Variants in ANKRD36B observed in about 807,000 individuals in gnomAD.
The protein encoded by ANKRD36B is ankyrin repeat domain-containing protein 36B.
In ANKRD36B, 37 loss-of-function variants were observed where a neutral mutation model predicts 135.7. The observed-to-expected ratio is 0.27, with a 90% confidence interval of 0.21 to 0.36. The LOEUF is 0.36. Ranked by LOEUF, ANKRD36B falls within the 10% of genes least tolerant of loss-of-function variation. ANKRD36B has a pLI of 1.00. For missense variants in ANKRD36B, 549 were observed against 1,037.1 expected (o/e 0.53, Z 6.46); for synonymous variants, 179 against 348.1 (o/e 0.51, Z 5.41).
At chr2:97,577,038 G>T (rs4069533) in intron 5 of ANKRD36B, among the ~76,000 whole-genome samples, 2 of 151,906 alleles carry the variant, frequency 1.3e-5, no homozygotes, top group Non-Finnish European at 2.9e-5. Context: ...ATAATTCAGT[G>T]TATCTCAACT....
rs369793361 is a variant in ANKRD36B, at chr2:97,533,572, T to G, written c.2192-1188A>C. ...CACTTCCAATAAATATACAATTTAT[T>G]TCTCATCAGAGAAACTGTTTAAAAT... is the stretch of plus-strand genomic sequence containing the variant. On this transcript the variant is annotated intron_variant, in intron 34 of 43. Coordinates refer to ENST00000359901, the MANE Select transcript of ANKRD36B (RefSeq NM_001393939.1). Among the ~76,000 whole-genome samples, 311 of 96,888 alleles carry G rather than the reference T, an allele frequency of 3.2e-3. 79 individuals carry two copies. The highest frequency in any genetic ancestry group is 0.013 in the East Asian group (58 of 4,356). 63.6% of individuals were successfully genotyped at this position (96,888 alleles called of 152,430 possible).
chr2:97,581,358 T>A (rs2082621182), intron 3 of ANKRD36B, among the ~76,000 whole-genome samples: 2 of 151,894 alleles, frequency 1.3e-5, no homozygotes, highest in South Asian at 4.2e-4. Flanking sequence ...GCACCTGACA[T>A]TGTCATCTGA....
At chr2:97,587,322 C>T (rs906269823) in intron 1 of ANKRD36B, among the ~76,000 whole-genome samples, 1 of 152,072 alleles carries the variant, frequency 6.6e-6, no homozygotes, top group African/African-American at 2.4e-5. Context: ...ATCATTTATA[C>T]ATCACAGATA....
intron 12 of ANKRD36B, among the ~76,000 whole-genome samples, chr2:97,555,813 T>C (rs2080471874): frequency 6.6e-6 from 1 of 151,928 alleles, no homozygotes; most frequent in African/African-American, 2.4e-5. Flanking sequence ...GTAGATAGTA[T>C]TCATTATTTA....
At chr2:97,494,423 G>A (rs1273977864) in intron 43 of ANKRD36B, among the ~76,000 whole-genome samples, 1 of 106,706 alleles carries the variant, frequency 9.4e-6, no homozygotes, top group African/African-American at 2.6e-5. Flanking sequence ...GGCTAGAGAG[G>A]TAGGAAGAGA....
At chr2:97,546,499 A>T (rs563363778) in intron 22 of ANKRD36B, among the ~76,000 whole-genome samples, 10 of 151,806 alleles carry the variant, frequency 6.6e-5, no homozygotes, top group African/African-American at 2.2e-4. Context: ...AGACTTCTGA[A>T]AATTTCTTCA....
chr2:97,565,402 G>C (rs1449957450), intron 6 of ANKRD36B, among the ~76,000 whole-genome samples: 3 of 152,004 alleles, frequency 2.0e-5, no homozygotes, highest in Non-Finnish European at 4.4e-5. Flanking sequence ...ACTATGATCA[G>C]AGTGAACAGG....
In ANKRD36B at chr2:97,537,717, A is replaced by G. The variant is rs2078960910; in HGVS notation, c.2089+451T>C. 2.1e-5 allele frequency among the ~76,000 whole-genome samples: 2 copies of G among 96,226 alleles called. 1 individual carries two copies. The highest frequency in any genetic ancestry group is 6.2e-5 in the African/African-American group (2 of 32,194). The allele number at this position is 96,226 out of a possible 152,430, so 63.1% of individuals were successfully genotyped here. A position where few individuals can be genotyped will look rare whatever the true frequency, so the allele number is the denominator to read the frequency against. The stretch of plus-strand genomic sequence containing the variant: ...TGCAATCCCTCTCTTGATGAAAATA[A>G]TTACTACATCAGTGGTCACCTTGCT... On this transcript the variant is annotated intron_variant, in intron 32 of 43. Transcript: ENST00000359901.
chr2:97,535,382 T>C (rs2078814936), intron 34 of ANKRD36B, among the ~76,000 whole-genome samples: 1 of 103,502 alleles, frequency 9.7e-6, no homozygotes, highest in South Asian at 2.3e-4. Context: ...CCATTAACCA[T>C]GATGTCATTA....
At chr2:97,554,938 A>G (rs1468275925) in intron 14 of ANKRD36B, 122 bp downstream of exon 14, 1 of 1,285,700 alleles carries the variant, frequency 7.8e-7, no homozygotes, top group African/African-American at 1.5e-5. Context: ...CAGATGAAGA[A>G]TCTCTGGCCT....
Position 97,540,136 on chromosome 2 carries a change from T to A in ANKRD36B, c.1915-30A>T, listed in dbSNP as rs756004385. On this transcript the variant is annotated intron_variant, in intron 29 of 43. Coordinates refer to ENST00000359901, the MANE Select transcript of ANKRD36B (RefSeq NM_001393939.1). ...ATGGAATTTGAAACAAAATAATAAATAAATAAAGTATGTTTCATAGACTAT... is the reference window on the plus strand; with the variant it reads ...ATGGAATTTGAAACAAAATAATAAAAAAATAAAGTATGTTTCATAGACTAT... The A allele has an allele frequency of 1.2e-5, 11 of 940,012 alleles. 1 individual carries two copies. In the South Asian group the frequency reaches 1.2e-4, roughly 10 times the overall value. The allele number at this position is 940,012 out of a possible 1,614,324, so 58.2% of individuals were successfully genotyped here.
Position 97,565,143 on chromosome 2 carries a change from T to G in ANKRD36B, c.764-4283A>C, listed in dbSNP as rs1469143778. Among the ~76,000 whole-genome samples, 7 of 152,156 alleles carry G rather than the reference T, an allele frequency of 4.6e-5. No homozygotes were observed. In the South Asian group the frequency reaches 6.2e-4, roughly 14 times the overall value. On this transcript the variant is annotated intron_variant, in intron 6 of 43. Transcript: ENST00000359901. ...CTCTTTGTAGCAATTGTGTATCGGA[T>G]TTCACTCATGATTTAGCACTCTATT...
At chr2:97,568,625 A>C (rs2081613831) in intron 6 of ANKRD36B, among the ~76,000 whole-genome samples, 1 of 152,178 alleles carries the variant, frequency 6.6e-6, no homozygotes, top group African/African-American at 2.4e-5. Flanking sequence ...CAGCTTATCC[A>C]ATCTGAGTGT....
chr2:97,575,722 GA>G (rs1324299773), intron 6 of ANKRD36B, among the ~76,000 whole-genome samples: 1 of 151,532 alleles, frequency 6.6e-6, no homozygotes, highest in Non-Finnish European at 1.5e-5. Flanking sequence ...ATACAGGCAA[GA>G]AAAAGACCAA....
rs1440047505 is a variant in ANKRD36B at position 97,509,106 on chromosome 2, G to A, written c.3873+475C>T. 1.7e-4 allele frequency among the ~76,000 whole-genome samples: 11 copies of A among 65,776 alleles called. 4 individuals are homozygous for A. The highest frequency in any genetic ancestry group is 8.8e-4 in the African/African-American group (11 of 12,524). The allele number at this position is 65,776 out of a possible 152,430, so 43.2% of individuals were successfully genotyped here. A position where few individuals can be genotyped will look rare whatever the true frequency, so the allele number is the denominator to read the frequency against. On this transcript the variant is annotated intron_variant, in intron 40 of 43. Transcript: ENST00000359901. ...AGTTAACCTGAAATCTAAGAAATAC[G>A]TATACACAGGTTCTTTATACATTCA...
At chr2:97,532,961 A>T (rs1321507689) in intron 34 of ANKRD36B, among the ~76,000 whole-genome samples, 1 of 95,956 alleles carries the variant, frequency 1.0e-5, no homozygotes, top group African/African-American at 3.1e-5. Context: ...ATCAGAAATA[A>T]GACAAAATGT....
At chr2:97,564,965 G>C (rs544208157) in intron 6 of ANKRD36B, among the ~76,000 whole-genome samples, 1 of 152,258 alleles carries the variant, frequency 6.6e-6, no homozygotes, top group African/African-American at 2.4e-5. Flanking sequence ...ACTTTGGGCA[G>C]TATGGCCATT....
Position 97,557,108 on chromosome 2 carries a change from T to C in ANKRD36B, c.992A>G (p.Gln331Arg), listed in dbSNP as rs756672628. The C allele has an allele frequency of 6.2e-5, 96 of 1,543,974 alleles. No homozygotes were observed. The highest frequency in any genetic ancestry group is 2.9e-4 in the East Asian group (12 of 40,846). Residue 331 changes from glutamine to arginine, a missense_variant, in exon 11 of 44, where the codon CAG (glutamine) becomes CGG (arginine). Coordinates refer to ENST00000359901, the MANE Select transcript of ANKRD36B (RefSeq NM_001393939.1). ...TATAAATGAAAGAGTAACTACCTTC[T>C]GGGCCGATTGTTTCTGAGGAGACAC... ...GTVSPQKQSA[Q>R]KVIFKKKVSL...
chr2:97,585,945 T>C (rs55788356), intron 1 of ANKRD36B, among the ~76,000 whole-genome samples: 3,412 of 152,362 alleles, frequency 0.022, 61 homozygotes, highest in Non-Finnish European at 0.037. Context: ...TATTCTCTTA[T>C]ATATTAACAT....
Sources: gnomAD v4.1 joint callset for allele counts (sites outside exome capture counted in the v4.1 genomes callset) on GRCh38, gnomAD v4.1.1 for gene constraint, MANE v1.5 for transcripts, NCBI Gene and HGNC (gene_info 2026-07-23, HGNC 2026-07-21) for gene names.